The following SCAPER variants were observed in gnomAD, a reference collection of about 807,000 sequenced individuals.
SCAPER encodes S phase cyclin A-associated protein in the endoplasmic reticulum.
SCAPER carries 98 observed loss-of-function variants against 182.2 expected under a neutral mutation model. The observed-to-expected ratio is 0.54, with a 90% CI of 0.46 to 0.64. The LOEUF is 0.64. SCAPER is among the 30% of genes least tolerant of loss of function. SCAPER has a pLI of 0.00. For missense variants in SCAPER, 1,432 were observed against 1,690.0 expected (o/e 0.85, Z 2.68); for synonymous variants, 605 against 564.6 (o/e 1.07, Z -1.01).
intron 14 of SCAPER, among the ~76,000 whole-genome samples, chr15:76,760,153 G>A (rs2062689351): frequency 6.6e-6 from 1 of 152,006 alleles, no homozygotes; most frequent in South Asian, 2.1e-4. Context: ...TATCTACCTG[G>A]TCCCGCAGAT....
intron 21 of SCAPER, among the ~76,000 whole-genome samples, chr15:76,659,563 C>T (rs1286072615): frequency 2.0e-5 from 3 of 152,208 alleles, no homozygotes; most frequent in East Asian, 3.8e-4. Context: ...AGCCACCACA[C>T]CCAACCGGAA....
intron 5 of SCAPER, among the ~76,000 whole-genome samples, chr15:76,814,404 G>C (rs1243111355): frequency 6.6e-6 from 1 of 152,102 alleles, no homozygotes; most frequent in Non-Finnish European, 1.5e-5. Context: ...CAGGCATACA[G>C]ACAGACATGA....
intron 21 of SCAPER, among the ~76,000 whole-genome samples, chr15:76,654,108 A>G (rs555209901): frequency 6.6e-6 from 1 of 152,344 alleles, no homozygotes; most frequent in East Asian, 1.9e-4. Flanking sequence ...AATGCTCAGC[A>G]TCACTAATAA....
intron 13 of SCAPER, 70 bp downstream of exon 13, chr15:76,765,267 T>G: frequency 1.6e-6 from 2 of 1,273,426 alleles, no homozygotes; most frequent in East Asian, 2.3e-5. Flanking sequence ...CGTAGCAATT[T>G]TATTTAACAG....
chr15:76,555,053 T>C (rs2046091721), intron 23 of SCAPER, among the ~76,000 whole-genome samples: 1 of 152,138 alleles, frequency 6.6e-6, no homozygotes, highest in South Asian at 2.1e-4. Flanking sequence ...AGTGCTAGGA[T>C]TACAGGTGTG....
At position 76,871,628 on chromosome 15, in the gene SCAPER, A is replaced by G. The variant is rs2072742450; in HGVS notation, c.7-9095T>C. 3.5e-5 allele frequency among the ~76,000 whole-genome samples: 5 copies of G among 141,842 alleles called. No individual in the cohort carries two copies. In the Admixed American group the frequency reaches 3.7e-4, roughly 10 times the overall value. 93.1% of individuals were successfully genotyped at this position (141,842 alleles called of 152,430 possible). A position where few individuals can be genotyped will look rare whatever the true frequency, so the allele number is the denominator to read the frequency against. On this transcript the variant is annotated intron_variant, in intron 2 of 31. Transcript: ENST00000563290. ...CACTCTGTCACCCAAGATGGAGTGCAGTGGTGTGACCTCAGTTCACTGAAG... is the reference window on the plus strand; with the variant it reads ...CACTCTGTCACCCAAGATGGAGTGCGGTGGTGTGACCTCAGTTCACTGAAG...
chr15:76,354,132 C>G lies in SCAPER; in HGVS notation c.3864G>C (p.Val1288=). The change falls in exon 30 of 32, where the codon GTG becomes GTC. Residue 1288 remains valine (V), a synonymous_variant. Coordinates refer to ENST00000563290, the MANE Select transcript of SCAPER (RefSeq NM_020843.4). This position sits in a 1 kb window ranked among gnomAD's most constrained non-coding sequence, Gnocchi z 4.4. ...GCACTGTGGGGTGGCGGCCGGACTG[C>G]ACGATCACCTGAAATGGAAGAGCAG... is the stretch of plus-strand genomic sequence containing the variant. ...TVNHPDNQVI[V]QSGRHPTVLQ... is the part of the protein sequence containing the mutation. 1 of 1,602,400 alleles carries G rather than the reference C, an allele frequency of 6.2e-7. No homozygotes were observed. Among genetic ancestry groups the G allele is most frequent in the Non-Finnish European group, 8.5e-7 (1 of 1,176,218 alleles).
intron 2 of SCAPER, among the ~76,000 whole-genome samples, chr15:76,882,617 G>A (rs2151955587): frequency 6.6e-6 from 1 of 152,300 alleles, no homozygotes; most frequent in African/African-American, 2.4e-5. Context: ...GTATGAAGTG[G>A]GAGGGATGAA....
At chr15:76,874,812 C>G (rs2073027671) in intron 2 of SCAPER, among the ~76,000 whole-genome samples, 1 of 151,732 alleles carries the variant, frequency 6.6e-6, no homozygotes, top group African/African-American at 2.4e-5. Context: ...AAATAAAAAA[C>G]AAATAGCCAG....
At chr15:76,565,127 G>A (rs1201994021) in intron 23 of SCAPER, among the ~76,000 whole-genome samples, 3 of 151,910 alleles carry the variant, frequency 2.0e-5, no homozygotes, top group African/African-American at 2.4e-5. Context: ...TGAAGACACC[G>A]AAAGCAATTG....
intron 20 of SCAPER, among the ~76,000 whole-genome samples, chr15:76,680,031 T>C (rs1009913807): frequency 6.6e-6 from 1 of 152,146 alleles, no homozygotes; most frequent in Non-Finnish European, 1.5e-5. Context: ...ACAGGCTTCA[T>C]CCTTAGAAAA....
intron 21 of SCAPER, among the ~76,000 whole-genome samples, chr15:76,645,213 C>A (rs559643994): frequency 1.1e-4 from 16 of 152,214 alleles, no homozygotes; most frequent in Admixed American, 2.0e-4. Flanking sequence ...GGGACTTGAA[C>A]ATCCCTGGAT....
At chr15:76,801,811 T>C (rs1262841729) in intron 6 of SCAPER, among the ~76,000 whole-genome samples, 6 of 151,898 alleles carry the variant, frequency 4.0e-5, no homozygotes, top group Non-Finnish European at 8.8e-5. Context: ...TCCCAGCTAC[T>C]TGGGAAGCTG....
chr15:76,892,762 G>A (rs1449509192), intron 1 of SCAPER, among the ~76,000 whole-genome samples: 1 of 152,210 alleles, frequency 6.6e-6, no homozygotes, highest in Non-Finnish European at 1.5e-5. Flanking sequence ...AAACAGTGTG[G>A]CGATTCCTCA....
chr15:76,798,417 G>A (rs922161901), intron 7 of SCAPER, among the ~76,000 whole-genome samples: 14 of 150,560 alleles, frequency 9.3e-5, no homozygotes, highest in African/African-American at 3.4e-4. Flanking sequence ...TCCTCAAATG[G>A]GACAGCATCA....
At chr15:76,616,717 G>T (rs2051524969) in intron 22 of SCAPER, among the ~76,000 whole-genome samples, 1 of 152,066 alleles carries the variant, frequency 6.6e-6, no homozygotes, top group Non-Finnish European at 1.5e-5. Flanking sequence ...AAGTACTGAT[G>T]ACTTAATTTG....
chr15:76,559,057 T>C lies in SCAPER; in HGVS notation c.2838+15101A>G, dbSNP rs187179798. Among the ~76,000 whole-genome samples, 552 of 151,988 alleles carry C rather than the reference T, an allele frequency of 3.6e-3. 7 individuals are homozygous for C. The highest frequency in any genetic ancestry group is 0.013 in the African/African-American group (539 of 41,454). ...GAGATCTGGTTTTTTTTTTCGGAGA[T>C]GGAGCCTCGCTCTGTTGCCCAGGCT... On this transcript the variant is annotated intron_variant, in intron 23 of 31. Transcript: ENST00000563290.
chr15:76,568,208 T>C (rs2047182647), intron 23 of SCAPER, among the ~76,000 whole-genome samples: 1 of 149,572 alleles, frequency 6.7e-6, no homozygotes, highest in Admixed American at 6.6e-5. Flanking sequence ...TATATATATA[T>C]ATATATATAT....
chr15:76,716,185 C>T (rs922470464), intron 17 of SCAPER, among the ~76,000 whole-genome samples: 2 of 152,156 alleles, frequency 1.3e-5, no homozygotes, highest in African/African-American at 4.8e-5. Flanking sequence ...CACTAAGGCA[C>T]TCACAGTCTT....
Sources: allele counts gnomAD v4.1 joint callset (sites outside exome capture counted in the v4.1 genomes callset), GRCh38; gene constraint gnomAD v4.1.1; non-coding constraint Gnocchi (gnomAD v3.1); transcripts MANE v1.5; gene names NCBI Gene and HGNC (gene_info 2026-07-23, HGNC 2026-07-21).